The following TRIP12 variants were observed in gnomAD, a reference collection of about 807,000 sequenced individuals.
TRIP12 encodes the protein E3 ubiquitin-protein ligase TRIP12.
In TRIP12, 25 loss-of-function variants were observed where a neutral mutation model predicts 244.2. That is an observed-to-expected ratio of 0.10 (90% CI 0.07 to 0.14). TRIP12 has a LOEUF of 0.14. Among genes scored for constraint, TRIP12 ranks in the 10% least tolerant of loss-of-function variants. TRIP12 has a pLI of 1.00. For synonymous variants in TRIP12, 905 were observed against 873.1 expected (o/e 1.04, Z -0.64); for missense variants, 1,677 against 2,486.4 (o/e 0.67, Z 6.92).
In TRIP12 at chr2:229,917,755, A is replaced by T. The variant is rs931387114; in HGVS notation, c.-50+4125T>A. ...TCCAAGCAGGTTGGAGTCCAGTGGC[A>T]TGATCATAACTATTAACTTCAAATC... is the stretch of plus-strand genomic sequence containing the variant. On this transcript the variant is annotated intron_variant, in intron 1 of 41. Coordinates refer to ENST00000675903, the MANE Select transcript of TRIP12 (RefSeq NM_001348323.3). Among the ~76,000 whole-genome samples, 18 of 152,202 alleles carry T rather than the reference A, an allele frequency of 1.2e-4. 1 individual carries two copies. The highest frequency in any genetic ancestry group is 2.1e-4 in the Non-Finnish European group (14 of 68,036).
intron 4 of TRIP12, 89 bp downstream of exon 4, chr2:229,858,683 A>G (rs2060020898): frequency 1.7e-6 from 2 of 1,191,230 alleles, no homozygotes. Context: ...ACTGGGGGGA[A>G]AAAACCCTTA....
chr2:229,792,338 A>T, intron 27 of TRIP12, 112 bp from the exon 28 acceptor site: 1 of 1,032,012 alleles, frequency 9.7e-7, no homozygotes, highest in South Asian at 1.5e-5. Flanking sequence ...TAGGTTGAGT[A>T]TCCCTTATCT....
intron 7 of TRIP12, 70 bp downstream of exon 7, chr2:229,830,686 T>A: frequency 7.0e-7 from 1 of 1,438,500 alleles, no homozygotes. Flanking sequence ...CTAAATTAAT[T>A]TCAATAAAGA....
At chr2:229,910,112 T>C (rs1346558061) in intron 1 of TRIP12, among the ~76,000 whole-genome samples, 7 of 152,236 alleles carry the variant, frequency 4.6e-5, no homozygotes, top group Non-Finnish European at 5.9e-5. Flanking sequence ...TTTAGAACTG[T>C]TGTTTTACTA....
chr2:229,771,192 G>C (rs1049263856), intron 39 of TRIP12, among the ~76,000 whole-genome samples: 1 of 152,162 alleles, frequency 6.6e-6, no homozygotes, highest in African/African-American at 2.4e-5. Flanking sequence ...GTCTCTCTTT[G>C]CTTCCACAGC....
intron 15 of TRIP12, among the ~76,000 whole-genome samples, chr2:229,810,551 G>A (rs1288026773): frequency 2.6e-5 from 4 of 152,178 alleles, no homozygotes; most frequent in Non-Finnish European, 5.9e-5. Flanking sequence ...TATATAAGCT[G>A]AAGACAGCTG....
intron 5 of TRIP12, among the ~76,000 whole-genome samples, chr2:229,839,294 T>C (rs1430970240): frequency 6.6e-6 from 1 of 152,206 alleles, no homozygotes; most frequent in African/African-American, 2.4e-5. Flanking sequence ...TAAGCTATAC[T>C]ATCTAGGTTT....
At chr2:229,841,466 C>T (rs1250130130) in intron 4 of TRIP12, among the ~76,000 whole-genome samples, 2 of 152,102 alleles carry the variant, frequency 1.3e-5, no homozygotes, top group Non-Finnish European at 2.9e-5. Flanking sequence ...AGGGGGGAGA[C>T]TCAATTAAGC....
rs754572846 is a variant in TRIP12, at chr2:229,791,083, C to G, written c.4543+41G>C. ...GAAAATCATGAAAATGGGAAGATTG[C>G]CCAGTTGGCAATCCATTTTCCCCTT... On this transcript the variant is annotated intron_variant, in intron 30 of 41. Transcript: ENST00000675903. 21 of 1,606,924 alleles carry G rather than the reference C, an allele frequency of 1.3e-5. No individual in the cohort carries two copies. In the Admixed American group the frequency reaches 2.7e-4, roughly 21 times the overall value.
At chr2:229,822,469 G>A (rs934372109) in intron 8 of TRIP12, among the ~76,000 whole-genome samples, 4 of 152,176 alleles carry the variant, frequency 2.6e-5, no homozygotes, top group African/African-American at 9.7e-5. Context: ...ACTAGCAAGA[G>A]GTGAAATGAG....
chr2:229,824,896 A>G (rs899931548), intron 8 of TRIP12, among the ~76,000 whole-genome samples: 1 of 152,236 alleles, frequency 6.6e-6, no homozygotes, highest in Non-Finnish European at 1.5e-5. Context: ...TGTAGATTTG[A>G]CTTTTAGAAC....
Position 229,855,312 on chromosome 2 carries a change from C to A in TRIP12, c.1027+3460G>T, listed in dbSNP as rs1196778749. ...AAAAACAACAACTTGCTATACAAGA[C>A]CGATGAGGAACAAATAAGATGACTC... is the stretch of plus-strand genomic sequence containing the variant. On this transcript the variant is annotated intron_variant, in intron 4 of 41. Transcript: ENST00000675903. Among the ~76,000 whole-genome samples the A allele has an allele frequency of 3.3e-5, 5 of 151,982 alleles. No individual in the cohort carries two copies. The South Asian group carries it at 1.0e-3, about 32-fold the overall frequency.
Position 229,878,575 on chromosome 2 carries a change from A to T in TRIP12, c.98+1407T>A, listed in dbSNP as rs1056038131. On this transcript the variant is annotated intron_variant, in intron 2 of 41. Transcript: ENST00000675903. ...GCTTTTATTCTTTACATTTGACATTAAAAAAAAATTTTTTTTTTTTGAGAC... is the reference window on the plus strand; with the variant it reads ...GCTTTTATTCTTTACATTTGACATTTAAAAAAAATTTTTTTTTTTTGAGAC... Among the ~76,000 whole-genome samples the T allele has an allele frequency of 7.3e-5, 11 of 151,542 alleles. No individual in the cohort carries two copies. The East Asian group carries it at 7.8e-4, about 11-fold the overall frequency.
At chr2:229,794,337 C>T (rs899413816) in intron 26 of TRIP12, among the ~76,000 whole-genome samples, 4 of 152,042 alleles carry the variant, frequency 2.6e-5, no homozygotes, top group Non-Finnish European at 5.9e-5. Flanking sequence ...GAGGCCAAGG[C>T]AGGAGGATCA....
chr2:229,789,682 G>A lies in TRIP12; in HGVS notation c.4624C>T (p.Pro1542Ser). The change falls in exon 31 of 42, where the codon CCG becomes TCG. Residue 1542 changes from proline to serine, a missense_variant. Coordinates refer to ENST00000675903, the MANE Select transcript of TRIP12 (RefSeq NM_001348323.3). ...AAAAGAAGGATCACATCTAATGACG[G>A]GTCTTCAAATGTTATATTTTCAGGT... The part of the protein sequence containing the change: ...TPPENITFED[P>S]SLDVILLLRV... 1 of 1,614,008 alleles carries A rather than the reference G, an allele frequency of 6.2e-7. No homozygotes were observed. The highest frequency in any genetic ancestry group is 2.2e-5 in the East Asian group (1 of 44,870).
At chr2:229,838,139 T>C (rs1389722032) in intron 5 of TRIP12, among the ~76,000 whole-genome samples, 3 of 151,966 alleles carry the variant, frequency 2.0e-5, no homozygotes, top group Non-Finnish European at 2.9e-5. Flanking sequence ...CTGGCTTACC[T>C]GAGAGCACTG....
At chr2:229,851,047 C>T (rs2058596126) in intron 4 of TRIP12, among the ~76,000 whole-genome samples, 1 of 152,226 alleles carries the variant, frequency 6.6e-6, no homozygotes, top group South Asian at 2.1e-4. Context: ...ACGAGCGCCG[C>T]CCCCTGCTCC....
At chr2:229,914,332 T>A (rs928886154) in intron 1 of TRIP12, among the ~76,000 whole-genome samples, 1 of 152,140 alleles carries the variant, frequency 6.6e-6, no homozygotes, top group East Asian at 1.9e-4. Flanking sequence ...AAGAAACAGT[T>A]CAATCTGATT....
chr2:229,777,332 C>T lies in TRIP12; in HGVS notation c.5512G>A (p.Glu1838Lys). 6.2e-7 allele frequency: 1 copy of T among 1,612,920 alleles called. No homozygotes were observed. Among genetic ancestry groups the T allele is most frequent in the Non-Finnish European group, 8.5e-7 (1 of 1,179,182 alleles). The change falls in exon 37 of 42, where the codon GAA becomes AAA. Residue 1838 changes from glutamate to lysine, a missense_variant. This residue lies in a region of TRIP12 where 171 missense variants were observed against 388.4 expected (regional missense o/e 0.44). Coordinates refer to ENST00000675903, the MANE Select transcript of TRIP12 (RefSeq NM_001348323.3). ...EDIVRQKKRL[E>K]QDKSQTKESL... ...AAGCCTACCTGGGATTTATCTTGTTCAAGTCTTTTCTTCTGTCTGACAATG... is the reference window on the plus strand; with the variant it reads ...AAGCCTACCTGGGATTTATCTTGTTTAAGTCTTTTCTTCTGTCTGACAATG...
Sources: allele counts gnomAD v4.1 joint callset (sites outside exome capture counted in the v4.1 genomes callset), GRCh38; gene constraint gnomAD v4.1.1; regional missense constraint gnomAD v4.1.1; transcripts MANE v1.5; gene names NCBI Gene and HGNC (gene_info 2026-07-23, HGNC 2026-07-21).